Variants in SPATA4 observed in about 807,000 individuals in gnomAD.
The protein encoded by SPATA4 is spermatogenesis associated 4, also known as spermatogenesis-associated protein 4.
SPATA4 carries 35 observed loss-of-function variants against 31.8 expected under a neutral mutation model. The ratio of observed to expected loss-of-function variants is 1.10; its 90% CI spans 0.84 to 1.46. SPATA4 has a LOEUF of 1.46. Ranked by LOEUF, SPATA4 falls within the 40% of genes most tolerant of loss-of-function variation. SPATA4 has a pLI of 0.00. For missense variants in SPATA4, 394 were observed against 363.1 expected, an observed-to-expected ratio of 1.09 and a Z score of -0.69; for synonymous variants, 126 against 132.4, an observed-to-expected ratio of 0.95 and a Z score of 0.33.
intron 4 of SPATA4, among the ~76,000 whole-genome samples, chr4:176,188,451 CTGTTAGTCTT>C (rs1276199372): frequency 6.6e-5 from 10 of 151,992 alleles, no homozygotes; most frequent in Admixed American, 4.6e-4. Flanking sequence ...ATTTATGTTC[CTGTTAGTCTT>C]TGGTAAGTTT....
intron 3 of SPATA4, 54 bp downstream of exon 3, chr4:176,192,904 A>G: frequency 3.1e-6 from 5 of 1,587,498 alleles, no homozygotes; most frequent in Non-Finnish European, 4.3e-6. Context: ...TGAGTTTTAT[A>G]TTATCAAAAG....
At chr4:176,193,890 A>G (rs946293606) in intron 1 of SPATA4, 16 of 187,178 alleles carry the variant, frequency 8.5e-5, no homozygotes, top group African/African-American at 3.7e-4. Context: ...TACTGAAGAC[A>G]AATTAGTAAA....
chr4:176,189,956 C>T (rs1290145474), intron 4 of SPATA4, among the ~76,000 whole-genome samples: 1 of 152,152 alleles, frequency 6.6e-6, no homozygotes, highest in Non-Finnish European at 1.5e-5. Context: ...GGGCTCACAA[C>T]TCTAAGGGGG....
Position 176,195,516 on chromosome 4 carries a change from G to A in SPATA4, c.47C>T (p.Ala16Val). 6.2e-7 allele frequency: 1 copy of A among 1,614,260 alleles called. No homozygotes were observed. Among genetic ancestry groups the A allele is most frequent in the Non-Finnish European group, 8.5e-7 (1 of 1,180,046 alleles). The change falls in exon 1 of 6, where the codon GCA becomes GTA. Residue 16 changes from alanine (A) to valine (V), a missense_variant. Physicochemically the swap from Ala to Val is moderately conservative, Grantham distance 64 (BLOSUM62 0). Transcript: ENST00000280191. ...AAGTGACGGTGACTTGTCTAGGGCT[G>A]CCGCAGTCTGTGTCAAATACCCTTT... Reference protein sequence around the residue: ...QEKGYLTQTAAALDKSPSLSP... With the variant: ...QEKGYLTQTAVALDKSPSLSP...
In SPATA4 at chr4:176,188,118, C is replaced by G. The variant is rs140274312; in HGVS notation, c.805+1G>C. 1.5e-5 allele frequency: 24 copies of G among 1,600,584 alleles called. No individual in the cohort carries two copies. The African/African-American group carries it at 2.4e-4, about 16-fold the overall frequency. Reference sequence around the variant, plus strand: ...TTAAGAAGCAAAGAGTTAAAACTTACGTAAAACAGGGACAACTCTTCCTCT... The same window carrying G: ...TTAAGAAGCAAAGAGTTAAAACTTAGGTAAAACAGGGACAACTCTTCCTCT... On this transcript the variant is annotated splice_donor_variant, in intron 5 of 5. Coordinates refer to ENST00000280191, the MANE Select transcript of SPATA4 (RefSeq NM_144644.4). LOFTEE classifies it high-confidence loss of function.
At chr4:176,188,046 T>C in intron 5 of SPATA4, 73 bp downstream of exon 5, 1 of 1,121,594 alleles carries the variant, frequency 8.9e-7, no homozygotes, top group Non-Finnish European at 1.4e-6. Flanking sequence ...TATTTAACCG[T>C]TTTTTAAAAC....
At position 176,195,508 on chromosome 4, in the gene SPATA4, C is replaced by G. The variant is rs1437047099; in HGVS notation, c.55G>C (p.Asp19His). 3 of 1,614,266 alleles carry G rather than the reference C, an allele frequency of 1.9e-6. No homozygotes were observed. The South Asian group carries it at 3.3e-5, about 18-fold the overall frequency. ...GYLTQTAAALDKSPSLSPQLA... is the reference protein window; with the variant it reads ...GYLTQTAAALHKSPSLSPQLA... Reference sequence around the variant, plus strand: ...TGTGGCGAAAGTGACGGTGACTTGTCTAGGGCTGCCGCAGTCTGTGTCAAA... The same window carrying G: ...TGTGGCGAAAGTGACGGTGACTTGTGTAGGGCTGCCGCAGTCTGTGTCAAA... Residue 19 changes from aspartate (D) to histidine (H), a missense_variant, in exon 1 of 6, where the codon GAC becomes CAC. Asp to His is a moderately conservative substitution (Grantham distance 81). Coordinates refer to ENST00000280191, the MANE Select transcript of SPATA4 (RefSeq NM_144644.4).
intron 5 of SPATA4, among the ~76,000 whole-genome samples, chr4:176,186,826 G>GT (rs1454017858): frequency 2.8e-5 from 4 of 141,142 alleles, no homozygotes; most frequent in Non-Finnish European, 4.8e-5. Flanking sequence ...GAGAAATCAT[G>GT]GTTTTTTTTT....
rs1752472178 is a variant in SPATA4 at position 176,188,062 on chromosome 4, T to C, written c.805+57A>G. On this transcript the variant is annotated intron_variant, in intron 5 of 5. Transcript: ENST00000280191. The stretch of plus-strand genomic sequence containing the variant: ...ATTTAACCGTTTTTTAAAACTTTAA[T>C]TGAAGAAAGTCAAGCAAAAAAAAAT... The C allele has an allele frequency of 6.3e-6, 8 of 1,274,350 alleles. No individual in the cohort carries two copies. In the Admixed American group the frequency reaches 1.4e-4, roughly 22 times the overall value. 78.9% of individuals were successfully genotyped at this position (1,274,350 alleles called of 1,614,324 possible).
At chr4:176,187,510 A>C (rs1240708162) in intron 5 of SPATA4, among the ~76,000 whole-genome samples, 1 of 152,136 alleles carries the variant, frequency 6.6e-6, no homozygotes, top group African/African-American at 2.4e-5. Flanking sequence ...AGGCTGAGTC[A>C]GGAGAATCGC....
Position 176,192,745 on chromosome 4 carries a change from A to G in SPATA4, c.570T>C (p.Asp190=). Residue 190 remains aspartate (D), a synonymous_variant, in exon 4 of 6, where the codon GAT becomes GAC. Coordinates refer to ENST00000280191, the MANE Select transcript of SPATA4 (RefSeq NM_144644.4). Reference sequence around the variant, plus strand: ...TTAGTAATTCTGATAACCTAATGTTATCTTTAATAGACTTCGAAACTGTAG... The same window carrying G: ...TTAGTAATTCTGATAACCTAATGTTGTCTTTAATAGACTTCGAAACTGTAG... ...SRSTVSKSIK[D]NIRLSELLSN... 6.2e-7 allele frequency: 1 copy of G among 1,614,160 alleles called. No individual in the cohort carries two copies. The highest frequency in any genetic ancestry group is 8.5e-7 in the Non-Finnish European group (1 of 1,180,006).
chr4:176,188,910 A>T (rs1254256452), intron 4 of SPATA4, among the ~76,000 whole-genome samples: 1 of 152,196 alleles, frequency 6.6e-6, no homozygotes, highest in Admixed American at 6.5e-5. Flanking sequence ...TGCTCTGTCA[A>T]CACTAAACAC....
intron 1 of SPATA4, 58 bp downstream of exon 1, chr4:176,195,287 C>T: frequency 6.4e-7 from 1 of 1,572,452 alleles, no homozygotes; most frequent in South Asian, 1.1e-5. Context: ...GCCTGGCAGG[C>T]GGCGGAAAGC....
rs762699754 is a variant in SPATA4, at chr4:176,195,387, A to G, written c.176T>C (p.Leu59Pro). The change falls in exon 1 of 6, where the codon CTT becomes CCT. Residue 59 changes from leucine to proline, a missense_variant. Physicochemically the swap from Leu to Pro is moderately conservative, Grantham distance 98 (BLOSUM62 -3). Transcript: ENST00000280191. ...GAAGAAGCTGAGATCCAGACCCTGA[A>G]GCCAACGCAGAACGGAACGAGACAA... The part of the protein sequence containing the change: ...SRLSRSVLRW[L>P]QGLDLSFFPR... 4 of 1,614,196 alleles carry G rather than the reference A, an allele frequency of 2.5e-6. No individual in the cohort carries two copies. The South Asian group carries it at 4.4e-5, about 18-fold the overall frequency.
intron 4 of SPATA4, among the ~76,000 whole-genome samples, chr4:176,190,675 C>T (rs756867965): frequency 1.3e-5 from 2 of 152,216 alleles, no homozygotes; most frequent in Non-Finnish European, 2.9e-5. Context: ...CTGGAAGCTG[C>T]ACCACATACC....
chr4:176,191,489 G>A (rs1469922232), intron 4 of SPATA4, among the ~76,000 whole-genome samples: 2 of 152,154 alleles, frequency 1.3e-5, no homozygotes, highest in Non-Finnish European at 2.9e-5. Context: ...GACACAAAGG[G>A]GAAGGTAAAG....
chr4:176,190,821 G>A (rs1350709109), intron 4 of SPATA4, among the ~76,000 whole-genome samples: 1 of 152,050 alleles, frequency 6.6e-6, no homozygotes, highest in East Asian at 1.9e-4. Flanking sequence ...AAGGGTTTGT[G>A]TGATTAGATC....
chr4:176,191,253 G>A (rs1226336298), intron 4 of SPATA4, among the ~76,000 whole-genome samples: 1 of 152,002 alleles, frequency 6.6e-6, no homozygotes, highest in Non-Finnish European at 1.5e-5. Flanking sequence ...ACGCCACCAT[G>A]CCCAGCTAAT....
intron 4 of SPATA4, among the ~76,000 whole-genome samples, chr4:176,190,771 C>T (rs1169696495): frequency 1.3e-5 from 2 of 152,132 alleles, no homozygotes; most frequent in Non-Finnish European, 2.9e-5. Flanking sequence ...CCTTCTCCTA[C>T]ATGTGTCTTG....
Sources: allele counts gnomAD v4.1 joint callset (sites outside exome capture counted in the v4.1 genomes callset), GRCh38; gene constraint gnomAD v4.1.1; transcripts MANE v1.5; gene names NCBI Gene and HGNC (gene_info 2026-07-23, HGNC 2026-07-21).